GCFC2: variants seen among roughly 807,000 people sequenced by gnomAD.
GCFC2 encodes the protein intron Large complex component GCFC2.
In GCFC2, 102 loss-of-function variants were observed where a neutral mutation model predicts 99.4. That is an observed-to-expected ratio of 1.03 (90% confidence interval 0.87 to 1.21). The LOEUF (loss-of-function observed/expected upper bound fraction) is 1.21. Ranked by LOEUF, GCFC2 falls within the 50% of genes most tolerant of loss-of-function variation. The pLI, the probability that GCFC2 is intolerant of heterozygous loss-of-function variation, is 0.00. For synonymous variants in GCFC2, 338 were observed against 316.8 expected (o/e 1.07, Z -0.71); for missense variants, 973 against 920.9 (o/e 1.06, Z -0.73).
chr2:75,700,436 C>T (rs1680535221), intron 4 of GCFC2, among the ~76,000 whole-genome samples: 1 of 151,874 alleles, frequency 6.6e-6, no homozygotes, highest in Admixed American at 6.6e-5. Flanking sequence ...TATCTATTCA[C>T]TAGATTGCTA....
chr2:75,703,267 A>C (rs1303317073), intron 2 of GCFC2, among the ~76,000 whole-genome samples: 1 of 152,210 alleles, frequency 6.6e-6, no homozygotes, highest in African/African-American at 2.4e-5. Context: ...TAAGCACTTC[A>C]AACTACTAAA....
chr2:75,702,165 ATAT>A, intron 3 of GCFC2, 31 bp downstream of exon 3: 1 of 1,584,610 alleles, frequency 6.3e-7, no homozygotes, highest in Non-Finnish European at 8.6e-7. Context: ...CTAATAAAAA[ATAT>A]CCTAATCTTC....
Position 75,691,314 on chromosome 2 carries a change from TA to T in GCFC2, c.1145-596del, listed in dbSNP as rs377203877. On this transcript the variant is annotated intron_variant, in intron 7 of 16. Coordinates refer to ENST00000321027, the MANE Select transcript of GCFC2 (RefSeq NM_003203.5). ...TCTCTCAAAATATCTTATTGTACTG[TA>T]CTTATTCATTTTTGGACCATTGTTG... is the stretch of plus-strand genomic sequence containing the variant. Among the ~76,000 whole-genome samples, 373 of 152,300 alleles carry T rather than the reference TA, an allele frequency of 2.4e-3. 2 individuals carry two copies. Among genetic ancestry groups the T allele is most frequent in the Middle Eastern group, 0.01 (3 of 294 alleles).
intron 12 of GCFC2, among the ~76,000 whole-genome samples, chr2:75,673,835 T>C (rs1268587427): frequency 6.6e-6 from 1 of 152,212 alleles, no homozygotes; most frequent in African/African-American, 2.4e-5. Flanking sequence ...GTATGCATGG[T>C]CATACATTTC....
intron 12 of GCFC2, among the ~76,000 whole-genome samples, chr2:75,675,764 A>T (rs1309758830): frequency 2.6e-5 from 4 of 151,442 alleles, no homozygotes; most frequent in South Asian, 2.1e-4. Flanking sequence ...AAAAACAAAA[A>T]AAAGAAAAGA....
intron 5 of GCFC2, among the ~76,000 whole-genome samples, chr2:75,695,649 T>C (rs1007691180): frequency 1.3e-5 from 2 of 152,166 alleles, no homozygotes; most frequent in East Asian, 1.9e-4. Flanking sequence ...TCCCTATACA[T>C]AGGTAACTAT....
chr2:75,662,967 A>C lies in GCFC2; in HGVS notation c.*1699T>G, dbSNP rs1037110222. ...AAACACGTAACATTTTTGTAAATAG[A>C]GAAAAGGTCTAAAAGGATAACATTA... On this transcript the variant is annotated 3_prime_UTR_variant, in exon 17 of 17. Transcript: ENST00000321027. The C allele has an allele frequency of 2.6e-5, 4 of 151,864 alleles. No homozygotes were observed. In the East Asian group the frequency reaches 7.7e-4, roughly 29 times the overall value. 9.4% of individuals were successfully genotyped at this position (151,864 alleles called of 1,614,324 possible). A position where few individuals can be genotyped will look rare whatever the true frequency, so the allele number is the denominator to read the frequency against.
At position 75,696,282 on chromosome 2, in the gene GCFC2, A is replaced by C; in HGVS notation, c.751T>G (p.Ser251Ala). 2 of 1,493,936 alleles carry C rather than the reference A, an allele frequency of 1.3e-6. No individual in the cohort carries two copies. Among genetic ancestry groups the C allele is most frequent in the Non-Finnish European group, 1.9e-6 (2 of 1,072,138 alleles). 92.5% of individuals were successfully genotyped at this position (1,493,936 alleles called of 1,614,324 possible). A position where few individuals can be genotyped will look rare whatever the true frequency, so the allele number is the denominator to read the frequency against. Residue 251 changes from serine to alanine, a missense_variant, in exon 5 of 17, where the codon TCT becomes GCT. Transcript: ENST00000321027. ...RDIDLSCGNG[S>A]SKVKKFDTSI... Reference sequence around the variant, plus strand: ...GTATCAAATTTCTTCACTTTTGAAGATCCATTGCCACAGGAAAGATCTATG... The same window carrying C: ...GTATCAAATTTCTTCACTTTTGAAGCTCCATTGCCACAGGAAAGATCTATG...
chr2:75,677,946 C>G (rs1679421016), intron 12 of GCFC2, among the ~76,000 whole-genome samples: 1 of 151,500 alleles, frequency 6.6e-6, no homozygotes, highest in African/African-American at 2.4e-5. Context: ...CCACTGCACT[C>G]CAGCCTGGGT....
At chr2:75,712,724 C>CT (rs528440187), upstream of GCFC2, among the ~76,000 whole-genome samples, 235 of 152,254 alleles carry the variant, frequency 1.5e-3, 2 homozygotes, top group Non-Finnish European at 2.3e-3. Context: ...AGCGAGACCA[C>CT]AAACCCACCA....
chr2:75,695,966 A>C (rs1680299837), intron 5 of GCFC2, among the ~76,000 whole-genome samples: 1 of 152,186 alleles, frequency 6.6e-6, no homozygotes, highest in Admixed American at 6.5e-5. Flanking sequence ...ATATTTTTGG[A>C]CCATGGTTTC....
chr2:75,685,540 C>CT (rs963352102), intron 11 of GCFC2, among the ~76,000 whole-genome samples: 1 of 152,104 alleles, frequency 6.6e-6, no homozygotes, highest in African/African-American at 2.4e-5. Flanking sequence ...ATACCACACT[C>CT]TTAGTTTCCT....
intron 12 of GCFC2, among the ~76,000 whole-genome samples, chr2:75,677,816 A>C (rs985237937): frequency 3.9e-5 from 6 of 152,040 alleles, no homozygotes; most frequent in African/African-American, 1.4e-4. Context: ...GTCTCTACTA[A>C]AAGCACACAA....
At chr2:75,702,041 A>G in intron 3 of GCFC2, 158 bp downstream of exon 3, 1 of 1,425,608 alleles carries the variant, frequency 7.0e-7, no homozygotes, top group East Asian at 2.5e-5. Context: ...ATACAGATAC[A>G]TCTTTTAGAG....
chr2:75,667,858 A>G (rs903244221), intron 15 of GCFC2, among the ~76,000 whole-genome samples: 4 of 152,178 alleles, frequency 2.6e-5, no homozygotes, highest in Non-Finnish European at 4.4e-5. Context: ...ACAACATTAC[A>G]TGGATGATGA....
intron 11 of GCFC2, among the ~76,000 whole-genome samples, chr2:75,685,824 T>G (rs1324270646): frequency 6.6e-6 from 1 of 152,140 alleles, no homozygotes; most frequent in Non-Finnish European, 1.5e-5. Flanking sequence ...AAAATCAACA[T>G]GTCCCAAACT....
chr2:75,708,056 A>G (rs1680951974), intron 1 of GCFC2, among the ~76,000 whole-genome samples: 1 of 152,168 alleles, frequency 6.6e-6, no homozygotes, highest in African/African-American at 2.4e-5. Flanking sequence ...CATTTGTGTG[A>G]CTGAGTTGCA....
chr2:75,709,790 T>TA (rs1416808802), intron 1 of GCFC2, among the ~76,000 whole-genome samples: 2 of 152,242 alleles, frequency 1.3e-5, no homozygotes, highest in East Asian at 3.8e-4. Flanking sequence ...CATCATGTTG[T>TA]ACACTATAAG....
At chr2:75,681,281 G>T (rs991949337) in intron 11 of GCFC2, among the ~76,000 whole-genome samples, 1 of 152,180 alleles carries the variant, frequency 6.6e-6, no homozygotes, top group Non-Finnish European at 1.5e-5. Context: ...CACAGAGGGT[G>T]AGCTGAAGCA....
Sources: allele counts gnomAD v4.1 joint callset (sites outside exome capture counted in the v4.1 genomes callset), GRCh38; gene constraint gnomAD v4.1.1; transcripts MANE v1.5; gene names NCBI Gene and HGNC (gene_info 2026-07-23, HGNC 2026-07-21).